PARD3B: variants seen among roughly 807,000 people sequenced by gnomAD.
PARD3B encodes the protein par-3 family cell polarity regulator beta, also known as partitioning defective 3 homolog B.
In PARD3B, 103 loss-of-function variants were observed where a neutral mutation model predicts 130.2. That is an observed-to-expected ratio of 0.79 (90% CI 0.67 to 0.93). The LOEUF (loss-of-function observed/expected upper bound fraction) is 0.93, where lower values mean the gene tolerates loss of function less well. Among genes scored for constraint, PARD3B ranks in the 40% least tolerant of loss-of-function variants. The pLI is 0.00. For synonymous variants in PARD3B, 583 were observed against 553.2 expected, an observed-to-expected ratio of 1.05 and a Z score of -0.76; for missense variants, 1,609 against 1,499.2, an observed-to-expected ratio of 1.07 and a Z score of -1.21.
At position 205,164,148 on chromosome 2, in the gene PARD3B, A is replaced by G. The variant is rs922985889; in HGVS notation, c.1620+5241A>G. On this transcript the variant is annotated intron_variant, in intron 11 of 22. Coordinates refer to ENST00000406610, the MANE Select transcript of PARD3B (RefSeq NM_001302769.2). The stretch of plus-strand genomic sequence containing the variant: ...TATATCCAATAAGAATTTGACCTTA[A>G]AAAAGGAAGTTATTAATTTAAGCCT... Among the ~76,000 whole-genome samples, 11 of 152,336 alleles carry G rather than the reference A, an allele frequency of 7.2e-5. No homozygotes were observed. The South Asian group carries it at 1.9e-3, about 26-fold the overall frequency.
chr2:205,600,739 G>C (rs980551481), intron 22 of PARD3B, among the ~76,000 whole-genome samples: 7 of 152,180 alleles, frequency 4.6e-5, no homozygotes, highest in African/African-American at 1.7e-4. Flanking sequence ...TTACCTGTAA[G>C]TGAGAATATA....
Position 204,560,507 on chromosome 2 carries a change from G to A in PARD3B, c.120+14388G>A, listed in dbSNP as rs116291525. On this transcript the variant is annotated intron_variant, in intron 1 of 22. Transcript: ENST00000406610. ...GCAGGTTTCACTCCATGAGCTGTAC[G>A]TGGCCAGGGGTTTGAAGGATGCATG... Among the ~76,000 whole-genome samples, 3 of 151,828 alleles carry A rather than the reference G, an allele frequency of 2.0e-5. No individual in the cohort carries two copies. The East Asian group carries it at 5.8e-4, about 29-fold the overall frequency.
rs2048799499 is a variant in PARD3B, at chr2:205,470,822, G to T, written c.3045-29074G>T. Among the ~76,000 whole-genome samples the T allele has an allele frequency of 6.6e-6, 1 of 152,302 alleles. No individual in the cohort carries two copies. ...GAAAAATTCTATGGAGTTTACAATA[G>T]AATCATAGGGAAGCTCTTAAACAGC... On this transcript the variant is annotated intron_variant, in intron 20 of 22. Transcript: ENST00000406610. This position sits in a 1 kb window ranked among gnomAD's most constrained non-coding sequence, Gnocchi z 4.8.
chr2:205,379,484 A>T (rs849211), intron 18 of PARD3B, among the ~76,000 whole-genome samples: 125,697 of 150,828 alleles, frequency 0.83, 52,593 homozygotes, highest in Admixed American at 0.91. Context: ...GGTTTTTTTT[A>T]AAAAAAAAGC....
At chr2:204,975,779 G>C (rs777095113) in intron 3 of PARD3B, among the ~76,000 whole-genome samples, 3 of 152,200 alleles carry the variant, frequency 2.0e-5, no homozygotes, top group African/African-American at 7.2e-5. Flanking sequence ...TGTCAAAATA[G>C]TGTAAACATA....
chr2:205,090,791 G>A (rs1328217492), intron 4 of PARD3B, among the ~76,000 whole-genome samples: 3 of 152,176 alleles, frequency 2.0e-5, no homozygotes, highest in African/African-American at 7.2e-5. Flanking sequence ...GGAGAGAGAC[G>A]GGCAGTGATG....
At position 205,288,930 on chromosome 2, in the gene PARD3B, G is replaced by A. The variant is rs1018927607; in HGVS notation, c.2186-11600G>A. Among the ~76,000 whole-genome samples the A allele has an allele frequency of 9.9e-5, 15 of 152,176 alleles. 1 individual carries two copies. The highest frequency in any genetic ancestry group is 1.9e-4 in the African/African-American group (8 of 41,440). On this transcript the variant is annotated intron_variant, in intron 16 of 22. Transcript: ENST00000406610. The surrounding 1 kb of genome is among the most constrained non-coding windows in gnomAD (Gnocchi z 4.0). ...TGCTCTATGTCAGCATTCTTGGTAC[G>A]TGGTTTGCAGAGATACCTGCTGGCC...
intron 2 of PARD3B, among the ~76,000 whole-genome samples, chr2:204,777,640 A>C (rs1416150506): frequency 1.3e-5 from 2 of 152,058 alleles, no homozygotes; most frequent in Non-Finnish European, 2.9e-5. Flanking sequence ...ATTGTGGTGC[A>C]TGCTTGTGGT....
At chr2:205,606,761 G>A (rs546712557) in intron 22 of PARD3B, among the ~76,000 whole-genome samples, 8 of 152,188 alleles carry the variant, frequency 5.3e-5, no homozygotes, top group Admixed American at 1.3e-4. Context: ...TCCTCCTGTT[G>A]TTTATCTCTT....
At chr2:205,337,293 C>T (rs2043349592) in intron 18 of PARD3B, among the ~76,000 whole-genome samples, 1 of 152,104 alleles carries the variant, frequency 6.6e-6, no homozygotes, top group African/African-American at 2.4e-5. Flanking sequence ...TGAACAGATC[C>T]CCAGTTTTAG....
intron 22 of PARD3B, among the ~76,000 whole-genome samples, chr2:205,599,694 A>G (rs1446603884): frequency 2.6e-5 from 4 of 152,184 alleles, no homozygotes; most frequent in Non-Finnish European, 5.9e-5. Flanking sequence ...TTTCAGGCCA[A>G]CAGACTCTTC....
intron 2 of PARD3B, among the ~76,000 whole-genome samples, chr2:204,846,826 G>A (rs547948379): frequency 1.3e-5 from 2 of 151,892 alleles, no homozygotes; most frequent in Middle Eastern, 3.4e-3. Context: ...AGGAGATTCC[G>A]ACTGCCTGTA....
intron 1 of PARD3B, among the ~76,000 whole-genome samples, chr2:204,566,018 G>T (rs1453695477): frequency 6.6e-6 from 1 of 152,142 alleles, no homozygotes; most frequent in African/African-American, 2.4e-5. Flanking sequence ...CCAATGAGTG[G>T]CAGTGAATAA....
At chr2:205,178,656 A>G (rs973952685) in intron 13 of PARD3B, among the ~76,000 whole-genome samples, 2 of 152,202 alleles carry the variant, frequency 1.3e-5, no homozygotes, top group African/African-American at 4.8e-5. Context: ...TTAATTCTCT[A>G]GCAACGTGTG....
At chr2:205,248,658 G>C (rs1165896196) in intron 16 of PARD3B, among the ~76,000 whole-genome samples, 4 of 138,068 alleles carry the variant, frequency 2.9e-5, no homozygotes, top group African/African-American at 5.5e-5. Flanking sequence ...CCAGGCTGGA[G>C]TGCAGTGGCG....
chr2:204,931,139 G>T (rs908823725), intron 2 of PARD3B, among the ~76,000 whole-genome samples: 3 of 152,102 alleles, frequency 2.0e-5, no homozygotes, highest in South Asian at 2.1e-4. Context: ...CTTCAAGGAC[G>T]TTTGTGGCAT....
In PARD3B at chr2:205,104,494, A is replaced by T; in HGVS notation, c.573A>T (p.Pro191=). The change falls in exon 5 of 23, where the codon CCA becomes CCT. Residue 191 remains proline (P), a synonymous_variant. Transcript: ENST00000406610. ...NGVQTELLTS[P]RTKDTLSDMT... is the part of the protein sequence containing the mutation. ...TACAGACAGAACTACTAACTTCGCC[A>T]AGAACTAAGGACACATTGAGGTATT... 6.4e-7 allele frequency: 1 copy of T among 1,569,876 alleles called. No homozygotes were observed. Among genetic ancestry groups the T allele is most frequent in the Non-Finnish European group, 8.8e-7 (1 of 1,139,940 alleles).
chr2:205,236,243 G>A (rs910740383), intron 15 of PARD3B, among the ~76,000 whole-genome samples: 4 of 152,088 alleles, frequency 2.6e-5, no homozygotes, highest in Non-Finnish European at 5.9e-5. Flanking sequence ...TGACTTCACT[G>A]GCAAATTTGA....
rs2048356855 is a variant in PARD3B, at chr2:205,458,841, T to A, written c.3044+18169T>A. Among the ~76,000 whole-genome samples the A allele has an allele frequency of 6.6e-6, 1 of 152,218 alleles. No individual in the cohort carries two copies. Among genetic ancestry groups the A allele is most frequent in the African/African-American group, 2.4e-5 (1 of 41,470 alleles). ...TGATGATACCTTTCTTCAGAGAAGA[T>A]GTATTTAATAATATGTCCCATTAAG... On this transcript the variant is annotated intron_variant, in intron 20 of 22. Coordinates refer to ENST00000406610, the MANE Select transcript of PARD3B (RefSeq NM_001302769.2). This position sits in a 1 kb window ranked among gnomAD's most constrained non-coding sequence, Gnocchi z 4.8.
Sources: allele counts gnomAD v4.1 joint callset (sites outside exome capture counted in the v4.1 genomes callset), GRCh38; gene constraint gnomAD v4.1.1; non-coding constraint Gnocchi (gnomAD v3.1); transcripts MANE v1.5; gene names NCBI Gene and HGNC (gene_info 2026-07-23, HGNC 2026-07-21).